TFCP2L1: variants seen among roughly 807,000 people sequenced by gnomAD.
TFCP2L1 encodes transcription factor CP2-like protein 1.
TFCP2L1 carries 12 observed loss-of-function variants against 72.2 expected under a neutral mutation model. The observed-to-expected ratio is 0.17, with a 90% CI of 0.11 to 0.27. The LOEUF (loss-of-function observed/expected upper bound fraction) is 0.27, where lower values mean the gene tolerates loss of function less well. TFCP2L1 is among the 10% of genes least tolerant of loss of function. TFCP2L1 has a pLI of 1.00. For synonymous variants in TFCP2L1, 260 were observed against 251.0 expected (o/e 1.04, Z -0.34); for missense variants, 488 against 624.6 (o/e 0.78, Z 2.33).
rs186506871 is a variant in TFCP2L1, at chr2:121,277,560, C to A, written c.214+3560G>T. ...TTCTTAGGTATTTATTTTTAAAATA[C>A]ATAAATAATCAACATTTCACAGGAA... On this transcript the variant is annotated intron_variant, in intron 2 of 14. Transcript: ENST00000263707. 9.1e-4 allele frequency among the ~76,000 whole-genome samples: 139 copies of A among 152,212 alleles called. 2 individuals are homozygous for A. Among genetic ancestry groups the A allele is most frequent in the Non-Finnish European group, 1.2e-3 (81 of 68,018 alleles).
intron 1 of TFCP2L1, among the ~76,000 whole-genome samples, chr2:121,281,853 AG>A (rs1285498431): frequency 1.5e-5 from 2 of 136,804 alleles, no homozygotes; most frequent in Non-Finnish European, 1.5e-5. Flanking sequence ...CACTGTTTTC[AG>A]GGTCATTCTA....
chr2:121,256,918 C>T (rs1371341231), intron 2 of TFCP2L1, among the ~76,000 whole-genome samples: 1 of 151,986 alleles, frequency 6.6e-6, no homozygotes, highest in African/African-American at 2.4e-5. Flanking sequence ...GTTGAAGGTG[C>T]ACCCAGCAGA....
chr2:121,269,650 T>C lies in TFCP2L1; in HGVS notation c.214+11470A>G, dbSNP rs140891864. Among the ~76,000 whole-genome samples, 968 of 151,970 alleles carry C rather than the reference T, an allele frequency of 6.4e-3. 13 individuals carry two copies. The highest frequency in any genetic ancestry group is 0.022 in the African/African-American group (892 of 41,430). On this transcript the variant is annotated intron_variant, in intron 2 of 14. Coordinates refer to ENST00000263707, the MANE Select transcript of TFCP2L1 (RefSeq NM_014553.3). Reference sequence around the variant, plus strand: ...AAAAGAGGCCGGGCCTGGTGGCTCATGCCTGTAATCCCAGCACTCTGGGAG... The same window carrying C: ...AAAAGAGGCCGGGCCTGGTGGCTCACGCCTGTAATCCCAGCACTCTGGGAG...
chr2:121,261,709 T>C (rs1686832071), intron 2 of TFCP2L1, among the ~76,000 whole-genome samples: 1 of 152,094 alleles, frequency 6.6e-6, no homozygotes, highest in Non-Finnish European at 1.5e-5. Context: ...CAACGGATGC[T>C]AAAATAAGTG....
chr2:121,264,601 T>C (rs1424836663), intron 2 of TFCP2L1, among the ~76,000 whole-genome samples: 1 of 152,196 alleles, frequency 6.6e-6, no homozygotes, highest in African/African-American at 2.4e-5. Context: ...GGCCTTGCTG[T>C]CTGCTATCTG....
At chr2:121,244,344 G>A (rs541406412) in intron 6 of TFCP2L1, among the ~76,000 whole-genome samples, 7 of 152,344 alleles carry the variant, frequency 4.6e-5, no homozygotes, top group Middle Eastern at 3.4e-3. Flanking sequence ...TGGGGTGACC[G>A]GCGAACGGAG....
chr2:121,258,815 T>C (rs569777025), intron 2 of TFCP2L1, among the ~76,000 whole-genome samples: 4 of 152,284 alleles, frequency 2.6e-5, no homozygotes, highest in Non-Finnish European at 4.4e-5. Flanking sequence ...ATCAGAACAA[T>C]TGGCCCTATT....
intron 12 of TFCP2L1, among the ~76,000 whole-genome samples, chr2:121,233,720 G>A (rs1429345565): frequency 6.6e-6 from 1 of 152,222 alleles, no homozygotes; most frequent in Non-Finnish European, 1.5e-5. Flanking sequence ...ACGCCTCTGA[G>A]GTCCTCGAGA....
intron 2 of TFCP2L1, among the ~76,000 whole-genome samples, chr2:121,279,540 AG>A (rs1217318832): frequency 1.3e-5 from 2 of 152,150 alleles, no homozygotes; most frequent in Admixed American, 6.5e-5. Flanking sequence ...CCACAATGAG[AG>A]GGGGTTGCTT....
intron 6 of TFCP2L1, among the ~76,000 whole-genome samples, chr2:121,245,780 G>A (rs3754633): frequency 0.2 from 30,159 of 152,134 alleles, 3,253 homozygotes; most frequent in South Asian, 0.35. Context: ...GTTGCCACCA[G>A]GTTTATGGTT....
chr2:121,237,166 G>A (rs1558730253), intron 10 of TFCP2L1, among the ~76,000 whole-genome samples: 3 of 152,124 alleles, frequency 2.0e-5, no homozygotes, highest in Admixed American at 2.0e-4. Flanking sequence ...GGGCCCATCA[G>A]GAAGGGCTCT....
chr2:121,231,511 G>C (rs112297751), intron 13 of TFCP2L1, among the ~76,000 whole-genome samples: 8 of 152,306 alleles, frequency 5.3e-5, no homozygotes, highest in African/African-American at 1.4e-4. Context: ...GCCCACCCTG[G>C]GGGAACGCCC....
rs1308305327 is a variant in TFCP2L1 at position 121,221,214 on chromosome 2, A to G, written c.*3127T>C. ...GTGATTCAGTTTCCTCATGACTCATAACAGGAAATCATTGGTCTCAACCTT... is the reference window on the plus strand; with the variant it reads ...GTGATTCAGTTTCCTCATGACTCATGACAGGAAATCATTGGTCTCAACCTT... On this transcript the variant is annotated 3_prime_UTR_variant, in exon 15 of 15. Coordinates refer to ENST00000263707, the MANE Select transcript of TFCP2L1 (RefSeq NM_014553.3). 1 of 152,198 alleles carries G rather than the reference A, an allele frequency of 6.6e-6. No homozygotes were observed. Among genetic ancestry groups the G allele is most frequent in the Non-Finnish European group, 1.5e-5 (1 of 68,044 alleles). 9.4% of individuals were successfully genotyped at this position (152,198 alleles called of 1,614,324 possible).
At chr2:121,248,433 C>A (rs1285531250) in intron 4 of TFCP2L1, among the ~76,000 whole-genome samples, 163 bp from the exon 5 acceptor site, 1 of 152,226 alleles carries the variant, frequency 6.6e-6, no homozygotes, top group African/African-American at 2.4e-5. Flanking sequence ...CTGACCTGAA[C>A]CACAAGCGCT....
chr2:121,274,888 CATG>C (rs1417611469), intron 2 of TFCP2L1, among the ~76,000 whole-genome samples: 1 of 150,946 alleles, frequency 6.6e-6, no homozygotes, highest in African/African-American at 2.4e-5. Flanking sequence ...CTGCAGGAGC[CATG>C]ATTATGCCAC....
Position 121,248,209 on chromosome 2 carries a change from G to A in TFCP2L1, c.459C>T (p.Val153=), listed in dbSNP as rs535021654. 1.2e-5 allele frequency: 19 copies of A among 1,614,050 alleles called. No individual in the cohort carries two copies. The highest frequency in any genetic ancestry group is 2.2e-5 in the East Asian group (1 of 44,874). ...PRASPTQLNA[V]EFLWDPAKRA... is the part of the protein sequence containing the mutation. Reference sequence around the variant, plus strand: ...TCTTCGCAGGGTCCCACAAAAACTCGACTGCATTCAGCTGGGTCGGGCTGG... The same window carrying A: ...TCTTCGCAGGGTCCCACAAAAACTCAACTGCATTCAGCTGGGTCGGGCTGG... Residue 153 remains valine (V), a synonymous_variant, in exon 5 of 15, where the codon GTC becomes GTT. Coordinates refer to ENST00000263707, the MANE Select transcript of TFCP2L1 (RefSeq NM_014553.3).
At position 121,225,633 on chromosome 2, in the gene TFCP2L1, ACATGTTCCTTCAACCACGAGTTCAT is replaced by A; in HGVS notation, c.1342-45_1342-21del. On this transcript the variant is annotated intron_variant, in intron 13 of 14. Coordinates refer to ENST00000263707, the MANE Select transcript of TFCP2L1 (RefSeq NM_014553.3). ...CACCATCTGAGAGACAAAAGAGAGA[ACATGTTCCTTCAACCACGAGTTCAT>A]CATTTGGAAAGCCTCGGTGGCAGAG... 6.2e-7 allele frequency: 1 copy of A among 1,613,890 alleles called. No individual in the cohort carries two copies.
chr2:121,274,562 G>T (rs1168364339), intron 2 of TFCP2L1, among the ~76,000 whole-genome samples: 1 of 152,088 alleles, frequency 6.6e-6, no homozygotes. Context: ...TCTCATTATG[G>T]ATATGCAAAT....
At chr2:121,247,493 A>G (rs886696117) in intron 5 of TFCP2L1, among the ~76,000 whole-genome samples, 1 of 152,172 alleles carries the variant, frequency 6.6e-6, no homozygotes, top group Non-Finnish European at 1.5e-5. Flanking sequence ...GAATCCATAC[A>G]TAACTGTAAT....
Sources: allele counts gnomAD v4.1 joint callset (sites outside exome capture counted in the v4.1 genomes callset), GRCh38; gene constraint gnomAD v4.1.1; transcripts MANE v1.5; gene names NCBI Gene and HGNC (gene_info 2026-07-23, HGNC 2026-07-21).